Variants in EXOC4 observed in about 807,000 individuals in gnomAD.
The protein encoded by EXOC4 is exocyst complex component 4.
In EXOC4, 71 loss-of-function variants were observed where a neutral mutation model predicts 107.2. That is an observed-to-expected ratio of 0.66 (90% CI 0.55 to 0.81). The LOEUF is 0.81. Among genes scored for constraint, EXOC4 ranks in the 30% least tolerant of loss-of-function variants. The pLI is 0.00. For synonymous variants in EXOC4, 456 were observed against 441.2 expected, an observed-to-expected ratio of 1.03 and a Z score of -0.42; for missense variants, 1,108 against 1,189.6, an observed-to-expected ratio of 0.93 and a Z score of 1.01.
intron 10 of EXOC4, among the ~76,000 whole-genome samples, chr7:133,680,631 G>A (rs1794166470): frequency 6.6e-6 from 1 of 152,212 alleles, no homozygotes; most frequent in Admixed American, 6.5e-5. Flanking sequence ...TTTCTAGCAA[G>A]AAGCGAATCA....
At chr7:134,057,596 T>C (rs1795961486) in intron 17 of EXOC4, among the ~76,000 whole-genome samples, 1 of 152,220 alleles carries the variant, frequency 6.6e-6, no homozygotes, top group Non-Finnish European at 1.5e-5. Context: ...AACTAATTTA[T>C]TCTTCTGACA....
At chr7:133,745,354 C>G (rs1395446870) in intron 10 of EXOC4, among the ~76,000 whole-genome samples, 1 of 152,048 alleles carries the variant, frequency 6.6e-6, no homozygotes. Context: ...ATTATATAAT[C>G]TTTAGTAAGT....
At chr7:133,787,977 AT>A (rs1796621242) in intron 10 of EXOC4, among the ~76,000 whole-genome samples, 1 of 59,336 alleles carries the variant, frequency 1.7e-5, no homozygotes, top group Non-Finnish European at 3.3e-5. Context: ...ATATATATAT[AT>A]ATATATATAT....
intron 10 of EXOC4, among the ~76,000 whole-genome samples, chr7:133,676,063 T>G (rs1158488502): frequency 6.6e-6 from 1 of 152,080 alleles, no homozygotes; most frequent in East Asian, 1.9e-4. Context: ...GATCTGTTAG[T>G]GCAACTCAGT....
chr7:133,979,765 G>A (rs1436225974), intron 14 of EXOC4, among the ~76,000 whole-genome samples: 1 of 151,862 alleles, frequency 6.6e-6, no homozygotes, highest in Non-Finnish European at 1.5e-5. Flanking sequence ...TCCAGCCTGG[G>A]CGACAGAGCG....
chr7:133,465,754 G>A (rs986877890), intron 7 of EXOC4, among the ~76,000 whole-genome samples: 1 of 152,146 alleles, frequency 6.6e-6, no homozygotes, highest in African/African-American at 2.4e-5. Flanking sequence ...CAAATATTTG[G>A]AAATAAGACA....
At chr7:133,762,444 G>A (rs1023534935) in intron 10 of EXOC4, among the ~76,000 whole-genome samples, 4 of 152,032 alleles carry the variant, frequency 2.6e-5, no homozygotes, top group African/African-American at 9.7e-5. Flanking sequence ...TCATCAAATA[G>A]TAAACCAACA....
intron 3 of EXOC4, among the ~76,000 whole-genome samples, chr7:133,292,249 C>A (rs1340522306): frequency 6.6e-6 from 1 of 152,124 alleles, no homozygotes; most frequent in South Asian, 2.1e-4. Flanking sequence ...GAGGCTGAGG[C>A]TGGAGAATCA....
intron 11 of EXOC4, among the ~76,000 whole-genome samples, chr7:133,826,613 A>G (rs1054824431): frequency 2.0e-5 from 3 of 152,286 alleles, no homozygotes; most frequent in Middle Eastern, 3.4e-3. Flanking sequence ...AATTATTATT[A>G]GTGGTCCACA....
intron 10 of EXOC4, among the ~76,000 whole-genome samples, chr7:133,719,904 AGGATGGATGGAT>A (rs111740110): frequency 2.6e-5 from 4 of 151,846 alleles, no homozygotes; most frequent in African/African-American, 9.7e-5. Context: ...TTCTCAGGAA[AGGATGGATGGAT>A]GGATGGATGG....
At chr7:133,664,601 T>A (rs907013262) in intron 10 of EXOC4, among the ~76,000 whole-genome samples, 3 of 152,130 alleles carry the variant, frequency 2.0e-5, no homozygotes, top group Non-Finnish European at 4.4e-5. Context: ...TTCTTTAGAA[T>A]CCTTTTGGCC....
intron 9 of EXOC4, among the ~76,000 whole-genome samples, chr7:133,536,398 T>A (rs1800270372): frequency 6.6e-6 from 1 of 152,112 alleles, no homozygotes; most frequent in Non-Finnish European, 1.5e-5. Flanking sequence ...ATCACGTACA[T>A]CCACTTTGAA....
intron 10 of EXOC4, among the ~76,000 whole-genome samples, chr7:133,646,278 T>C (rs1056982901): frequency 6.6e-6 from 1 of 152,194 alleles, no homozygotes; most frequent in African/African-American, 2.4e-5. Flanking sequence ...TCATACACTT[T>C]GGAGCTTCTC....
intron 11 of EXOC4, among the ~76,000 whole-genome samples, chr7:133,833,289 C>T (rs1797850188): frequency 6.6e-6 from 1 of 150,402 alleles, no homozygotes; most frequent in Non-Finnish European, 1.5e-5. Context: ...ATCTGGAAAC[C>T]TGGAATTGAT....
intron 10 of EXOC4, among the ~76,000 whole-genome samples, chr7:133,712,159 G>A (rs973997046): frequency 2.3e-4 from 35 of 152,166 alleles, no homozygotes; most frequent in Admixed American, 6.5e-4. Context: ...GAGCCCTCTG[G>A]CCGGACGCAG....
Position 133,687,413 on chromosome 7 carries a change from T to TA in EXOC4, c.1514+57276dup, listed in dbSNP as rs944368760. Among the ~76,000 whole-genome samples, 21 of 151,840 alleles carry TA rather than the reference T, an allele frequency of 1.4e-4. 1 individual carries two copies. Among genetic ancestry groups the TA allele is most frequent in the African/African-American group, 5.1e-4 (21 of 41,402 alleles). ...CTAAAAACCTATGGAAATAACAAAT[T>TA]AAAATATTATATTTAAAATTAAAGA... On this transcript the variant is annotated intron_variant, in intron 10 of 17. Transcript: ENST00000253861.
chr7:133,916,577 ATCT>A (rs1448472172), intron 12 of EXOC4, among the ~76,000 whole-genome samples: 1 of 152,192 alleles, frequency 6.6e-6, no homozygotes, highest in East Asian at 1.9e-4. Flanking sequence ...CCTAGGCTCC[ATCT>A]TCTTTTGTCT....
chr7:133,617,319 T>C lies in EXOC4; in HGVS notation c.1418-12726T>C, dbSNP rs927014079. Among the ~76,000 whole-genome samples the C allele has an allele frequency of 2.0e-5, 3 of 152,148 alleles. No individual in the cohort carries two copies. The South Asian group carries it at 6.2e-4, about 32-fold the overall frequency. On this transcript the variant is annotated intron_variant, in intron 9 of 17. Coordinates refer to ENST00000253861, the MANE Select transcript of EXOC4 (RefSeq NM_021807.4). ...AAACTGAGTGGTGAGGTGAAGTTAT[T>C]TGTAGACTGTTCCATAAAGAGAGGG...
At chr7:134,014,574 CA>C (rs1794855823) in intron 17 of EXOC4, among the ~76,000 whole-genome samples, 1 of 151,990 alleles carries the variant, frequency 6.6e-6, no homozygotes, top group East Asian at 1.9e-4. Flanking sequence ...TGACACTATT[CA>C]TATGAAATGT....
Sources: gnomAD v4.1 joint callset for allele counts (sites outside exome capture counted in the v4.1 genomes callset) on GRCh38, gnomAD v4.1.1 for gene constraint, MANE v1.5 for transcripts, NCBI Gene and HGNC (gene_info 2026-07-23, HGNC 2026-07-21) for gene names.